Variants in FIGN observed in about 807,000 individuals in gnomAD.
FIGN encodes the protein fidgetin, microtubule severing factor.
FIGN carries 11 observed loss-of-function variants against 51.3 expected under a neutral mutation model. The observed-to-expected ratio is 0.21, with a 90% CI of 0.13 to 0.35. FIGN has a LOEUF of 0.35. FIGN is among the 10% of genes least tolerant of loss of function. The pLI is 1.00. For synonymous variants in FIGN, 407 were observed against 363.2 expected, an observed-to-expected ratio of 1.12 and a Z score of -1.37; for missense variants, 857 against 943.6, an observed-to-expected ratio of 0.91 and a Z score of 1.20.
chr2:163,732,086 T>G (rs182860590), intron 2 of FIGN, among the ~76,000 whole-genome samples: 4 of 152,338 alleles, frequency 2.6e-5, no homozygotes, highest in Non-Finnish European at 5.9e-5. Flanking sequence ...CTAACTGCTT[T>G]CACAATTTTG....
intron 2 of FIGN, among the ~76,000 whole-genome samples, chr2:163,665,215 T>C (rs1683754384): frequency 6.6e-6 from 1 of 152,248 alleles, no homozygotes; most frequent in South Asian, 2.1e-4. Context: ...GCAGGGACTA[T>C]ATATCCAGGG....
chr2:163,631,299 A>T (rs1254458195), intron 2 of FIGN, among the ~76,000 whole-genome samples: 1 of 152,224 alleles, frequency 6.6e-6, no homozygotes, highest in Non-Finnish European at 1.5e-5. Flanking sequence ...GTAAGCATGT[A>T]TTTGCACAAA....
chr2:163,724,090 C>T (rs1684801979), intron 2 of FIGN, among the ~76,000 whole-genome samples: 1 of 152,170 alleles, frequency 6.6e-6, no homozygotes, highest in Non-Finnish European at 1.5e-5. Flanking sequence ...CATCGGATCA[C>T]CTCAATCATC....
At chr2:163,700,063 GAGA>G (rs937131793) in intron 2 of FIGN, among the ~76,000 whole-genome samples, 17 of 152,042 alleles carry the variant, frequency 1.1e-4, no homozygotes, top group African/African-American at 3.4e-4. Context: ...GAGAAGGAAG[GAGA>G]AGAAGAAGAA....
chr2:163,610,431 G>T lies in FIGN; in HGVS notation c.1401C>A (p.His467Gln). The T allele has an allele frequency of 6.2e-7, 1 of 1,614,148 alleles. No individual in the cohort carries two copies. The highest frequency in any genetic ancestry group is 8.5e-7 in the Non-Finnish European group (1 of 1,180,046). Residue 467 changes from histidine (H) to glutamine (Q), a missense_variant, in exon 3 of 3, where the codon CAC (histidine) becomes CAA (glutamine). Coordinates refer to ENST00000333129, the MANE Select transcript of FIGN (RefSeq NM_018086.4). Reference sequence around the variant, plus strand: ...TCTCATTGGTTACCAGGTCGATGAGGTGCGTGTCAGTATTCTTCAGTTGCT... The same window carrying T: ...TCTCATTGGTTACCAGGTCGATGAGTTGCGTGTCAGTATTCTTCAGTTGCT... ...VDEQLKNTDT[H>Q]LIDLVTNEII...
intron 2 of FIGN, among the ~76,000 whole-genome samples, chr2:163,646,997 C>A (rs1375441364): frequency 6.6e-6 from 1 of 152,216 alleles, no homozygotes; most frequent in African/African-American, 2.4e-5. Flanking sequence ...TAGATACAGG[C>A]TTCCCTGACA....
intron 2 of FIGN, among the ~76,000 whole-genome samples, chr2:163,641,905 T>C (rs987905328): frequency 2.0e-5 from 3 of 152,212 alleles, no homozygotes; most frequent in African/African-American, 7.2e-5. Context: ...TTATAGAATC[T>C]ACGCTCTTTA....
chr2:163,729,861 C>CCA (rs1341497959), intron 2 of FIGN, among the ~76,000 whole-genome samples: 1 of 152,086 alleles, frequency 6.6e-6, no homozygotes, highest in East Asian at 1.9e-4. Context: ...AAACAACAGC[C>CCA]CACCATATGC....
At chr2:163,668,589 A>T (rs1252441218) in intron 2 of FIGN, among the ~76,000 whole-genome samples, 1 of 152,230 alleles carries the variant, frequency 6.6e-6, no homozygotes, top group African/African-American at 2.4e-5. Context: ...TGGTAATAAA[A>T]CACATTTTCC....
At chr2:163,724,741 C>T (rs1365920502) in intron 2 of FIGN, among the ~76,000 whole-genome samples, 1 of 151,966 alleles carries the variant, frequency 6.6e-6, no homozygotes, top group African/African-American at 2.4e-5. Context: ...TCATTTGTGG[C>T]CTAAAAACTT....
At chr2:163,622,096 A>G (rs1292604603) in intron 2 of FIGN, among the ~76,000 whole-genome samples, 2 of 152,282 alleles carry the variant, frequency 1.3e-5, no homozygotes, top group South Asian at 2.1e-4. Context: ...TGGTTCTCCA[A>G]TTAATTCCAA....
chr2:163,716,219 G>A (rs1415582679), intron 2 of FIGN, among the ~76,000 whole-genome samples: 2 of 152,210 alleles, frequency 1.3e-5, no homozygotes, highest in African/African-American at 2.4e-5. Flanking sequence ...GGTAATTACT[G>A]GAGCAGATCT....
chr2:163,634,942 C>T (rs181744870), intron 2 of FIGN, among the ~76,000 whole-genome samples: 40 of 152,122 alleles, frequency 2.6e-4, no homozygotes, highest in Admixed American at 1.0e-3. Flanking sequence ...AGAGTATGTG[C>T]TCAATAAACA....
intron 2 of FIGN, among the ~76,000 whole-genome samples, chr2:163,684,580 A>T (rs375712713): frequency 6.6e-6 from 1 of 152,156 alleles, no homozygotes; most frequent in East Asian, 1.9e-4. Flanking sequence ...TTTCAAGCAC[A>T]CAATCTAGTT....
At chr2:163,648,780 C>G (rs1683423011) in intron 2 of FIGN, among the ~76,000 whole-genome samples, 1 of 152,210 alleles carries the variant, frequency 6.6e-6, no homozygotes, top group African/African-American at 2.4e-5. Context: ...ACCGTAAACA[C>G]TTTTGTTTTG....
intron 2 of FIGN, among the ~76,000 whole-genome samples, chr2:163,683,565 T>G (rs1684098895): frequency 6.6e-6 from 1 of 152,126 alleles, no homozygotes; most frequent in Non-Finnish European, 1.5e-5. Flanking sequence ...GAGTCAAAAA[T>G]AGCATTCCAA....
chr2:163,701,958 C>G (rs1048569747), intron 2 of FIGN, among the ~76,000 whole-genome samples: 1 of 152,036 alleles, frequency 6.6e-6, no homozygotes, highest in African/African-American at 2.4e-5. Flanking sequence ...ATTTTGCAAC[C>G]TCGCCCCCAG....
intron 2 of FIGN, among the ~76,000 whole-genome samples, chr2:163,630,870 T>G (rs900741625): frequency 6.6e-6 from 1 of 152,158 alleles, no homozygotes; most frequent in African/African-American, 2.4e-5. Flanking sequence ...GATTGGAAAA[T>G]GTATTTACAA....
At position 163,641,695 on chromosome 2, in the gene FIGN, AGCAAATGCCATG is replaced by A. The variant is rs565841926; in HGVS notation, c.26-29901_26-29890del. Among the ~76,000 whole-genome samples, 736 of 152,322 alleles carry A rather than the reference AGCAAATGCCATG, an allele frequency of 4.8e-3. 1 individual carries two copies. The highest frequency in any genetic ancestry group is 7.7e-3 in the Non-Finnish European group (522 of 68,036). On this transcript the variant is annotated intron_variant, in intron 2 of 2. Coordinates refer to ENST00000333129, the MANE Select transcript of FIGN (RefSeq NM_018086.4). ...AAGAAGAAAATGAGATTGCAATGGCAGCAAATGCCATGGCAAATGCCATGGCAGCAAATGCCC... is the reference window on the plus strand; with the variant it reads ...AAGAAGAAAATGAGATTGCAATGGCAGCAAATGCCATGGCAGCAAATGCCC...
Sources: allele counts gnomAD v4.1 joint callset (sites outside exome capture counted in the v4.1 genomes callset), GRCh38; gene constraint gnomAD v4.1.1; transcripts MANE v1.5; gene names NCBI Gene and HGNC (gene_info 2026-07-23, HGNC 2026-07-21).